Variants in ITGAE observed in about 807,000 individuals in gnomAD.
ITGAE encodes the protein integrin subunit alpha E.
ITGAE carries 99 observed loss-of-function variants against 136.5 expected under a neutral mutation model. That is an observed-to-expected ratio of 0.73 (90% CI 0.62 to 0.86). The LOEUF (loss-of-function observed/expected upper bound fraction) is 0.86. ITGAE is among the 40% of genes least tolerant of loss of function. The pLI is 0.00. For missense variants in ITGAE, 1,447 were observed against 1,515.3 expected, an observed-to-expected ratio of 0.95 and a Z score of 0.75; for synonymous variants, 613 against 591.8, an observed-to-expected ratio of 1.04 and a Z score of -0.52.
chr17:3,726,137 T>A (rs1223075299), intron 26 of ITGAE: 9 of 1,614,052 alleles, frequency 5.6e-6, no homozygotes, highest in Non-Finnish European at 7.6e-6. Context: ...ACCGCTGGGG[T>A]GAATATCACC....
chr17:3,757,899 G>A, intron 8 of ITGAE, 40 bp from the exon 9 acceptor site: 1 of 1,609,424 alleles, frequency 6.2e-7, no homozygotes, highest in Non-Finnish European at 8.5e-7. Flanking sequence ...AGCTTTGCCA[G>A]AAGGATGACC....
chr17:3,770,781 CTGG>C (rs2052402653), intron 2 of ITGAE, among the ~76,000 whole-genome samples: 1 of 152,162 alleles, frequency 6.6e-6, no homozygotes, highest in South Asian at 2.1e-4. Context: ...CCCCCAGCCC[CTGG>C]TGGACTCAGA....
chr17:3,780,414 C>T (rs1053823272), intron 1 of ITGAE, among the ~76,000 whole-genome samples: 4 of 152,104 alleles, frequency 2.6e-5, no homozygotes, highest in Admixed American at 1.3e-4. Flanking sequence ...CCGCCCACCT[C>T]GGCCTCCCAA....
Position 3,757,087 on chromosome 17 carries a change from C to G in ITGAE, c.1068G>C (p.Leu356=). 6.2e-7 allele frequency: 1 copy of G among 1,614,220 alleles called. No homozygotes were observed. Among genetic ancestry groups the G allele is most frequent in the South Asian group, 1.1e-5 (1 of 91,084 alleles). Residue 356 remains leucine (L), a synonymous_variant, in exon 10 of 31, where the codon CTG becomes CTC. Coordinates refer to ENST00000263087, the MANE Select transcript of ITGAE (RefSeq NM_002208.5). ...GGGTCTCATCCGGGTCTGAGGCGAT[C>G]AGGTTCAGTTCCCTCGCAGTCCTAG... is the stretch of plus-strand genomic sequence containing the variant. The part of the protein sequence containing the change: ...KSARTARELN[L]IASDPDETHA...
At chr17:3,760,439 T>TTTC in intron 6 of ITGAE, 152 bp from the exon 7 acceptor site, 1 of 480,368 alleles carries the variant, frequency 2.1e-6, no homozygotes, top group Non-Finnish European at 3.6e-6. Flanking sequence ...GCTTTTTTTT[T>TTTC]TTTTTTTTTT....
chr17:3,743,211 C>T (rs2051627674), intron 19 of ITGAE, among the ~76,000 whole-genome samples: 1 of 152,186 alleles, frequency 6.6e-6, no homozygotes, highest in African/African-American at 2.4e-5. Flanking sequence ...TATGCATGTG[C>T]CTCATGAAAG....
rs150028399 is a variant in ITGAE at position 3,715,231 on chromosome 17, G to A, written c.3445-289C>T. ...AAAGCATGATAATTTCGGCTGTACT[G>A]GATCTAATCTTATTTATGCAAAAAT... On this transcript the variant is annotated intron_variant, in intron 30 of 30. Transcript: ENST00000263087. Among the ~76,000 whole-genome samples, 194 of 152,200 alleles carry A rather than the reference G, an allele frequency of 1.3e-3. 1 individual carries two copies. Among genetic ancestry groups the A allele is most frequent in the African/African-American group, 4.1e-3 (170 of 41,536 alleles).
intron 1 of ITGAE, among the ~76,000 whole-genome samples, chr17:3,791,721 T>G (rs1242084178): frequency 1.4e-4 from 22 of 152,306 alleles, no homozygotes; most frequent in Non-Finnish European, 4.4e-5. Context: ...AGATTCTGAC[T>G]CAGCAGATAA....
Position 3,798,174 on chromosome 17 carries a change from C to G in ITGAE, c.34+2937G>C, listed in dbSNP as rs2053167728. ...CACACACTGCATTCCGGGGGCATTT[C>G]ACCTTTGCTTGGGCTGCCCCTCTGC... On this transcript the variant is annotated intron_variant, in intron 1 of 30. Coordinates refer to ENST00000263087, the MANE Select transcript of ITGAE (RefSeq NM_002208.5). This position sits in a 1 kb window ranked among gnomAD's most constrained non-coding sequence, Gnocchi z 4.3. Among the ~76,000 whole-genome samples, 1 of 152,220 alleles carries G rather than the reference C, an allele frequency of 6.6e-6. No homozygotes were observed. The highest frequency in any genetic ancestry group is 1.5e-5 in the Non-Finnish European group (1 of 68,028).
chr17:3,772,680 T>C (rs546187373), intron 2 of ITGAE, among the ~76,000 whole-genome samples: 1 of 152,138 alleles, frequency 6.6e-6, no homozygotes, highest in African/African-American at 2.4e-5. Context: ...GCCAGGCTGA[T>C]CTCAAACTCC....
Position 3,716,736 on chromosome 17 carries a change from G to A in ITGAE, c.3396C>T (p.Ser1132=), listed in dbSNP as rs769573033. ...CGATCAACACCAGAAGTCCACCAAC[G>A]CTGCCTTTAATGATGATAGGCAAAG... The part of the protein sequence containing the change: ...YHSLPIIIKG[S]VGGLLVLIVI... The change falls in exon 30 of 31, where the codon AGC becomes AGT. Residue 1132 remains serine, a synonymous_variant. Transcript: ENST00000263087. 7.4e-5 allele frequency: 119 copies of A among 1,611,314 alleles called. No individual in the cohort carries two copies. Among genetic ancestry groups the A allele is most frequent in the Middle Eastern group, 1.6e-4 (1 of 6,080 alleles).
chr17:3,753,647 G>A (rs1419010421), intron 13 of ITGAE, 136 bp downstream of exon 13: 11 of 1,201,624 alleles, frequency 9.2e-6, no homozygotes, highest in Admixed American at 2.5e-5. Context: ...CAGAGCCCTC[G>A]AGCTCCACTC....
chr17:3,759,148 A>C (rs2052103801), intron 8 of ITGAE, among the ~76,000 whole-genome samples: 3 of 150,956 alleles, frequency 2.0e-5, no homozygotes, highest in African/African-American at 7.3e-5. Context: ...AAAAAAAAAA[A>C]CCAGAGCTGA....
At chr17:3,776,120 C>T (rs377395839) in intron 2 of ITGAE, among the ~76,000 whole-genome samples, 10 of 142,048 alleles carry the variant, frequency 7.0e-5, no homozygotes, top group South Asian at 6.6e-4. Context: ...TGCAATGGCA[C>T]GATCTTGGCT....
At chr17:3,783,006 T>G (rs1461485411) in intron 1 of ITGAE, among the ~76,000 whole-genome samples, 1 of 152,224 alleles carries the variant, frequency 6.6e-6, no homozygotes, top group Admixed American at 6.5e-5. Flanking sequence ...GTATGTCGAT[T>G]GAGATGGCTG....
chr17:3,731,218 T>C (rs774730013), intron 22 of ITGAE, 35 bp from the exon 23 acceptor site: 49 of 1,532,524 alleles, frequency 3.2e-5, no homozygotes, highest in Non-Finnish European at 4.4e-5. Flanking sequence ...CAGTTGATTC[T>C]CTCTATGCCA....
At chr17:3,742,926 A>G (rs139540343) in intron 19 of ITGAE, among the ~76,000 whole-genome samples, 1 of 152,340 alleles carries the variant, frequency 6.6e-6, no homozygotes, top group East Asian at 1.9e-4. Flanking sequence ...TGTTGGGATT[A>G]CAGGCATCAG....
chr17:3,731,243 C>T (rs888311444), intron 22 of ITGAE, 60 bp from the exon 23 acceptor site: 52 of 1,298,660 alleles, frequency 4.0e-5, no homozygotes, highest in Middle Eastern at 1.8e-4. Flanking sequence ...CAATTCAGAC[C>T]GCTAGCTACT....
At position 3,763,963 on chromosome 17, in the gene ITGAE, G is replaced by A. The variant is rs986034141; in HGVS notation, c.156-3C>T. 7.5e-6 allele frequency: 12 copies of A among 1,608,034 alleles called. No homozygotes were observed. Among genetic ancestry groups the A allele is most frequent in the Non-Finnish European group, 9.4e-6 (11 of 1,175,462 alleles). On this transcript the variant is annotated splice_polypyrimidine_tract_variant and splice_region_variant and intron_variant, in intron 2 of 30. Transcript: ENST00000263087. ...TTCTGGGGCTGGTGACCAGGAGCCT[G>A]AGTGGGAGGGGAGGTTGCAAAGCTG...
Sources: allele counts gnomAD v4.1 joint callset (sites outside exome capture counted in the v4.1 genomes callset), GRCh38; gene constraint gnomAD v4.1.1; non-coding constraint Gnocchi (gnomAD v3.1); transcripts MANE v1.5; gene names NCBI Gene and HGNC (gene_info 2026-07-23, HGNC 2026-07-21).